The following ARHGAP24 variants were observed in gnomAD, a reference collection of about 807,000 sequenced individuals.
The protein encoded by ARHGAP24 is rho GTPase-activating protein 24.
Under a neutral mutation model 76.4 loss-of-function variants are expected in ARHGAP24, and 50 were observed. The observed-to-expected ratio is 0.65, with a 90% CI of 0.52 to 0.83. The LOEUF is 0.83. Ranked by LOEUF, ARHGAP24 falls within the 40% of genes least tolerant of loss-of-function variation. The pLI, the probability that ARHGAP24 is intolerant of heterozygous loss-of-function variation, is 0.00. For synonymous variants in ARHGAP24, 345 were observed against 323.3 expected, an observed-to-expected ratio of 1.07 and a Z score of -0.72; for missense variants, 930 against 914.2, an observed-to-expected ratio of 1.02 and a Z score of -0.22.
chr4:85,638,259 T>C (rs1179047276), intron 2 of ARHGAP24, among the ~76,000 whole-genome samples: 1 of 152,188 alleles, frequency 6.6e-6, no homozygotes, highest in African/African-American at 2.4e-5. Flanking sequence ...TTAATGATAC[T>C]TATTAGACTT....
chr4:85,813,526 C>T (rs538956982), intron 3 of ARHGAP24, among the ~76,000 whole-genome samples: 1 of 152,086 alleles, frequency 6.6e-6, no homozygotes, highest in Non-Finnish European at 1.5e-5. Flanking sequence ...TGTAAAATTC[C>T]TACAGTCTTT....
intron 9 of ARHGAP24, among the ~76,000 whole-genome samples, chr4:85,998,092 C>T (rs1419506583): frequency 1.3e-5 from 2 of 152,146 alleles, no homozygotes; most frequent in Non-Finnish European, 2.9e-5. Flanking sequence ...GAGATCAAGT[C>T]TGTTAATCAG....
At chr4:85,575,052 A>C (rs994806370) in intron 2 of ARHGAP24, among the ~76,000 whole-genome samples, 1 of 152,224 alleles carries the variant, frequency 6.6e-6, no homozygotes, top group Non-Finnish European at 1.5e-5. Context: ...ATACCTGGCA[A>C]TATGAGAGGC....
intron 3 of ARHGAP24, among the ~76,000 whole-genome samples, chr4:85,861,558 C>T (rs1317404363): frequency 2.0e-5 from 3 of 152,064 alleles, no homozygotes; most frequent in Non-Finnish European, 2.9e-5. Context: ...GTGTTGTGCA[C>T]TGCTTGGGCA....
intron 1 of ARHGAP24, among the ~76,000 whole-genome samples, chr4:85,555,761 T>C (rs1349268232): frequency 6.6e-6 from 1 of 152,100 alleles, no homozygotes; most frequent in East Asian, 1.9e-4. Flanking sequence ...TATCAGAAAA[T>C]GGCAGAGCCA....
intron 2 of ARHGAP24, among the ~76,000 whole-genome samples, chr4:85,619,233 A>T (rs1006692958): frequency 2.0e-5 from 3 of 151,910 alleles, no homozygotes; most frequent in Non-Finnish European, 4.4e-5. Flanking sequence ...TCCTTTTCCC[A>T]CTGTGTGTGC....
chr4:85,680,313 A>G (rs1439893433), intron 2 of ARHGAP24, among the ~76,000 whole-genome samples: 1 of 152,218 alleles, frequency 6.6e-6, no homozygotes, highest in East Asian at 1.9e-4. Context: ...TGAAAGCTAT[A>G]AGAAAGGTTT....
intron 3 of ARHGAP24, among the ~76,000 whole-genome samples, chr4:85,728,072 T>G (rs2110049301): frequency 6.6e-6 from 1 of 152,186 alleles, no homozygotes; most frequent in Admixed American, 6.5e-5. Flanking sequence ...TACTAATTAT[T>G]TCCAATACCC....
intron 2 of ARHGAP24, among the ~76,000 whole-genome samples, chr4:85,665,383 C>T (rs28871342): frequency 0.029 from 4,445 of 152,172 alleles, 199 homozygotes; most frequent in African/African-American, 0.1. Flanking sequence ...CTTCCTCCAT[C>T]CTTTTATTTT....
chr4:85,555,916 T>C (rs1041119638), intron 1 of ARHGAP24, among the ~76,000 whole-genome samples: 15 of 152,110 alleles, frequency 9.9e-5, no homozygotes, highest in Admixed American at 9.8e-4. Context: ...GCAGTGGCTG[T>C]CCTAAAGGAG....
chr4:85,645,308 T>C (rs1273323964), intron 2 of ARHGAP24, among the ~76,000 whole-genome samples: 1 of 152,166 alleles, frequency 6.6e-6, no homozygotes, highest in Non-Finnish European at 1.5e-5. Context: ...TCAGGATAAA[T>C]TGAACTTAAT....
At chr4:85,578,071 A>G (rs568371625) in intron 2 of ARHGAP24, among the ~76,000 whole-genome samples, 26 of 152,346 alleles carry the variant, frequency 1.7e-4, no homozygotes, top group Admixed American at 1.1e-3. Flanking sequence ...TATTAGACTT[A>G]AAGCTAAACA....
intron 1 of ARHGAP24, among the ~76,000 whole-genome samples, chr4:85,547,679 G>A (rs369638567): frequency 2.4e-4 from 36 of 152,084 alleles, no homozygotes; most frequent in African/African-American, 5.8e-4. Flanking sequence ...CAAGCAATCC[G>A]CCCACCTCAG....
chr4:85,839,707 C>T (rs988204163), intron 3 of ARHGAP24, among the ~76,000 whole-genome samples: 11 of 152,010 alleles, frequency 7.2e-5, no homozygotes, highest in African/African-American at 2.7e-4. Flanking sequence ...CCTCAGCCTC[C>T]CAAAGTGCTG....
intron 2 of ARHGAP24, among the ~76,000 whole-genome samples, chr4:85,624,714 TG>T (rs1720869334): frequency 6.6e-6 from 1 of 152,108 alleles, no homozygotes; most frequent in Admixed American, 6.6e-5. Context: ...GGACTTTTTT[TG>T]GTTGGTAAGC....
chr4:85,995,691 A>G lies in ARHGAP24; in HGVS notation c.2003+34A>G, dbSNP rs201691402. ...AATCTGGAGGTCGTAACTACCAGAG[A>G]GGGCTCAGTAGCCTCCTACTGTGGG... On this transcript the variant is annotated intron_variant, in intron 9 of 9. Coordinates refer to ENST00000395184, the MANE Select transcript of ARHGAP24 (RefSeq NM_001025616.3). 1.9e-3 allele frequency: 2,949 copies of G among 1,587,376 alleles called. 16 individuals carry two copies. The highest frequency in any genetic ancestry group is 1.6e-3 in the Non-Finnish European group (1,879 of 1,157,172).
chr4:85,661,556 G>T (rs995804788), intron 2 of ARHGAP24, among the ~76,000 whole-genome samples: 2 of 151,786 alleles, frequency 1.3e-5, no homozygotes, highest in African/African-American at 4.8e-5. Flanking sequence ...TAGGGTACAT[G>T]TGCACATTGT....
At chr4:85,792,482 A>G (rs1728174124) in intron 3 of ARHGAP24, among the ~76,000 whole-genome samples, 1 of 152,160 alleles carries the variant, frequency 6.6e-6, no homozygotes, top group Non-Finnish European at 1.5e-5. Flanking sequence ...ATATTAGAAC[A>G]TGTTACAATT....
At chr4:85,819,764 CA>C (rs566579653) in intron 3 of ARHGAP24, among the ~76,000 whole-genome samples, 1 of 151,992 alleles carries the variant, frequency 6.6e-6, no homozygotes, top group Non-Finnish European at 1.5e-5. Context: ...ACTTGAAATA[CA>C]AAAAATTAGC....
Sources: gnomAD v4.1 joint callset for allele counts (sites outside exome capture counted in the v4.1 genomes callset) on GRCh38, gnomAD v4.1.1 for gene constraint, MANE v1.5 for transcripts, NCBI Gene and HGNC (gene_info 2026-07-23, HGNC 2026-07-21) for gene names.